The following PTPRD variants were observed in gnomAD, a reference collection of about 807,000 sequenced individuals.
PTPRD encodes protein tyrosine phosphatase receptor type D.
A neutral mutation model predicts 214.5 loss-of-function variants in PTPRD; 34 were observed. The ratio of observed to expected loss-of-function variants is 0.16; its 90% CI spans 0.12 to 0.21. PTPRD has a LOEUF of 0.21. PTPRD is among the 10% of genes least tolerant of loss of function. PTPRD has a pLI of 1.00. For missense variants in PTPRD, 2,545 were observed against 2,398.7 expected, an observed-to-expected ratio of 1.06 and a Z score of -1.27; for synonymous variants, 1,128 against 845.7, an observed-to-expected ratio of 1.33 and a Z score of -5.79.
intron 11 of PTPRD, among the ~76,000 whole-genome samples, chr9:8,892,963 G>C (rs1461918635): frequency 1.3e-5 from 2 of 152,092 alleles, no homozygotes; most frequent in Non-Finnish European, 2.9e-5. Context: ...AGATGTCATT[G>C]ATAATCTTGA....
intron 8 of PTPRD, among the ~76,000 whole-genome samples, chr9:9,480,533 C>T (rs141287106): frequency 2.0e-5 from 3 of 151,860 alleles, no homozygotes; most frequent in East Asian, 3.9e-4. Flanking sequence ...TTTTAAAAAG[C>T]AATATTTAAA....
chr9:9,955,583 G>T (rs1361413199), intron 4 of PTPRD, among the ~76,000 whole-genome samples: 1 of 150,824 alleles, frequency 6.6e-6, no homozygotes. Flanking sequence ...GAGTATAGTG[G>T]CACGATCTTG....
chr9:9,952,082 A>C (rs890166022), intron 4 of PTPRD, among the ~76,000 whole-genome samples: 2 of 152,158 alleles, frequency 1.3e-5, no homozygotes, highest in African/African-American at 2.4e-5. Context: ...ATGGTAGTAA[A>C]ATTAGAATGG....
At chr9:8,788,269 TTTTTTTTTTG>T (rs1213772888) in intron 11 of PTPRD, among the ~76,000 whole-genome samples, 1 of 114,184 alleles carries the variant, frequency 8.8e-6, no homozygotes, top group Non-Finnish European at 1.9e-5. Context: ...TTTTTTTTTT[TTTTTTTTTTG>T]TGTGTGTGTG....
At position 10,355,960 on chromosome 9, in the gene PTPRD, C is replaced by A. The variant is rs115352900; in HGVS notation, c.-599-14943G>T. Among the ~76,000 whole-genome samples the A allele has an allele frequency of 8.5e-3, 1,300 of 152,116 alleles. 19 individuals carry two copies. The highest frequency in any genetic ancestry group is 0.03 in the African/African-American group (1,234 of 41,494). On this transcript the variant is annotated intron_variant, in intron 2 of 45. Transcript: ENST00000381196. ...AAATCTAAAGTCGTATTAGAGAGTA[C>A]ACTGAGATGTACACTGGGAATGATA... is the stretch of plus-strand genomic sequence containing the variant.
chr9:9,231,646 C>T (rs1030687867), intron 9 of PTPRD, among the ~76,000 whole-genome samples: 3 of 152,052 alleles, frequency 2.0e-5, no homozygotes, highest in African/African-American at 7.2e-5. Flanking sequence ...TCCTGAATGC[C>T]ATTTTTGTTA....
At position 8,407,018 on chromosome 9, in the gene PTPRD, T is replaced by G. The variant is rs531494325; in HGVS notation, c.4087-2358A>C. Among the ~76,000 whole-genome samples the G allele has an allele frequency of 3.7e-4, 57 of 152,208 alleles. 1 individual carries two copies. The highest frequency in any genetic ancestry group is 8.3e-4 in the South Asian group (4 of 4,830). On this transcript the variant is annotated intron_variant, in intron 35 of 45. Transcript: ENST00000381196. ...ATGCATTTACTTATAGCAATGAAAT[T>G]GCATCTATTAACTGAAACAAACTGT...
chr9:8,425,649 ATTTTTTGTTTTGT>A (rs1369089108), intron 35 of PTPRD, among the ~76,000 whole-genome samples: 1 of 150,280 alleles, frequency 6.7e-6, no homozygotes, highest in East Asian at 1.9e-4. Flanking sequence ...CTTAACAATT[ATTTTTTGTTTTGT>A]TTTTTTGTTT....
intron 5 of PTPRD, among the ~76,000 whole-genome samples, chr9:9,850,537 A>G (rs1218740177): frequency 6.6e-6 from 1 of 152,122 alleles, no homozygotes; most frequent in Non-Finnish European, 1.5e-5. Flanking sequence ...AGAATATTTA[A>G]TATTTCATTT....
chr9:8,836,634 G>C (rs7035236), intron 11 of PTPRD, among the ~76,000 whole-genome samples: 66,258 of 130,146 alleles, frequency 0.51, 16,385 homozygotes, highest in Middle Eastern at 0.65. Context: ...GTCTCGCTCT[G>C]TTGCCAGGCT....
chr9:9,999,555 C>G (rs1470209211), intron 4 of PTPRD, among the ~76,000 whole-genome samples: 1 of 152,166 alleles, frequency 6.6e-6, no homozygotes. Context: ...GTTGTCTTGG[C>G]AAGTAAAGTT....
intron 11 of PTPRD, among the ~76,000 whole-genome samples, chr9:8,919,872 C>T (rs926456293): frequency 6.6e-6 from 1 of 151,384 alleles, no homozygotes; most frequent in Middle Eastern, 3.2e-3. Flanking sequence ...GATGTACATG[C>T]ATGTATCATG....
chr9:10,204,811 T>C (rs1021661805), intron 3 of PTPRD, among the ~76,000 whole-genome samples: 1 of 152,206 alleles, frequency 6.6e-6, no homozygotes, highest in Admixed American at 6.5e-5. Flanking sequence ...AAGCAATCTC[T>C]AGTTGTCAAA....
intron 11 of PTPRD, among the ~76,000 whole-genome samples, chr9:8,859,803 T>TTG (rs956962851): frequency 6.5e-5 from 7 of 107,068 alleles, no homozygotes; most frequent in Admixed American, 2.0e-4. Context: ...TTCCAGCAAT[T>TTG]TGGGGGTGGG....
chr9:9,589,196 G>A (rs2092442376), intron 7 of PTPRD, among the ~76,000 whole-genome samples: 1 of 151,844 alleles, frequency 6.6e-6, no homozygotes, highest in Admixed American at 6.6e-5. Flanking sequence ...TATTTGGTGT[G>A]TATTTTTAAA....
At chr9:8,551,586 G>A (rs1388290638) in intron 14 of PTPRD, among the ~76,000 whole-genome samples, 1 of 152,170 alleles carries the variant, frequency 6.6e-6, no homozygotes, top group Non-Finnish European at 1.5e-5. Flanking sequence ...TGAAGTACCA[G>A]TCATTTTAAG....
chr9:9,645,110 G>A (rs1225318486), intron 7 of PTPRD, among the ~76,000 whole-genome samples: 1 of 152,216 alleles, frequency 6.6e-6, no homozygotes, highest in Non-Finnish European at 1.5e-5. Context: ...CATGGGGCCA[G>A]AGCCCAAAAG....
chr9:9,380,298 A>C (rs952958297), intron 9 of PTPRD, among the ~76,000 whole-genome samples: 2 of 152,102 alleles, frequency 1.3e-5, no homozygotes, highest in African/African-American at 4.8e-5. Flanking sequence ...AAATATATTT[A>C]AAATTGTCTT....
intron 5 of PTPRD, among the ~76,000 whole-genome samples, chr9:9,829,534 A>G (rs1405100980): frequency 1.3e-5 from 2 of 151,942 alleles, no homozygotes; most frequent in African/African-American, 2.4e-5. Context: ...TTTGTTACAG[A>G]AAGATTTTAA....
Sources: gnomAD v4.1 joint callset for allele counts (sites outside exome capture counted in the v4.1 genomes callset) on GRCh38, gnomAD v4.1.1 for gene constraint, MANE v1.5 for transcripts, NCBI Gene and HGNC (gene_info 2026-07-23, HGNC 2026-07-21) for gene names.